Variants in NDUFS6 observed in about 807,000 individuals in gnomAD.
The protein encoded by NDUFS6 is NADH dehydrogenase [ubiquinone] iron-sulfur protein 6, mitochondrial.
A neutral mutation model predicts 13.2 loss-of-function variants in NDUFS6; 14 were observed. The ratio of observed to expected loss-of-function variants is 1.06; its 90% CI spans 0.70 to 1.66. The LOEUF (loss-of-function observed/expected upper bound fraction) is 1.66. Ranked by LOEUF, NDUFS6 falls within the 40% of genes most tolerant of loss-of-function variation. The pLI, the probability that NDUFS6 is intolerant of heterozygous loss-of-function variation, is 0.00. For missense variants in NDUFS6, 206 were observed against 170.8 expected, an observed-to-expected ratio of 1.21 and a Z score of -1.15; for synonymous variants, 95 against 72.3, an observed-to-expected ratio of 1.31 and a Z score of -1.60.
At chr5:1,801,727 G>T (rs996975222) in intron 1 of NDUFS6, among the ~76,000 whole-genome samples, 178 bp downstream of exon 1, 24 of 152,252 alleles carry the variant, frequency 1.6e-4, no homozygotes, top group Admixed American at 1.4e-3. Context: ...GGTGGTGGCA[G>T]CCTGTAGCGG....
chr5:1,814,839 C>G lies in NDUFS6; in HGVS notation c.309+378C>G. 1 of 624,768 alleles carries G rather than the reference C, an allele frequency of 1.6e-6. No homozygotes were observed. Among genetic ancestry groups the G allele is most frequent in the Non-Finnish European group, 2.9e-6 (1 of 348,910 alleles). The allele number at this position is 624,768 out of a possible 1,614,324, so 38.7% of individuals were successfully genotyped here. A position where few individuals can be genotyped will look rare whatever the true frequency, so the allele number is the denominator to read the frequency against. ...AGCGCTGGAGGCTGCAGCCCAAGAC[C>G]ACCGTGCCGCTCTGTGGGTTCCTCC... On this transcript the variant is annotated intron_variant, in intron 3 of 3. Coordinates refer to ENST00000274137, the MANE Select transcript of NDUFS6 (RefSeq NM_004553.6). The surrounding 1 kb of genome is among the most constrained non-coding windows in gnomAD (Gnocchi z 4.9).
chr5:1,808,223 T>G (rs1734158175), intron 2 of NDUFS6, among the ~76,000 whole-genome samples: 1 of 152,154 alleles, frequency 6.6e-6, no homozygotes, highest in Non-Finnish European at 1.5e-5. Flanking sequence ...CTGGGCGTCC[T>G]TTAGGGGGTG....
At chr5:1,810,862 C>T (rs1179687112) in intron 2 of NDUFS6, among the ~76,000 whole-genome samples, 2 of 152,172 alleles carry the variant, frequency 1.3e-5, no homozygotes, top group Non-Finnish European at 1.5e-5. Flanking sequence ...CATCATGTTA[C>T]TGAGTCTAAA....
chr5:1,802,216 C>T, intron 1 of NDUFS6, 105 bp from the exon 2 acceptor site: 1 of 1,137,544 alleles, frequency 8.8e-7, no homozygotes. Flanking sequence ...CATCAATGGC[C>T]TAAAAGTTAA....
chr5:1,814,776 C>T lies in NDUFS6; in HGVS notation c.309+315C>T, dbSNP rs898337769. The T allele has an allele frequency of 8.2e-5, 56 of 680,866 alleles. No homozygotes were observed. The highest frequency in any genetic ancestry group is 6.2e-4 in the Admixed American group (29 of 47,000). 42.2% of individuals were successfully genotyped at this position (680,866 alleles called of 1,614,324 possible). The stretch of plus-strand genomic sequence containing the variant: ...CAGCTCAGGCTGCCACACACAGCAC[C>T]GCAGGCTGGGGTCGAAAACAACAAA... On this transcript the variant is annotated intron_variant, in intron 3 of 3. Transcript: ENST00000274137. This position sits in a 1 kb window ranked among gnomAD's most constrained non-coding sequence, Gnocchi z 4.9.
rs1014264454 is a variant in NDUFS6 at position 1,801,484 on chromosome 5, C to A, written c.67C>A (p.Leu23Met). Reference sequence around the variant, plus strand: ...TGGCGAGGCGGCGCGGAGCCTGCCCCTGGGCGCCAGGTGTTTCGGGGTGCG... The same window carrying A: ...TGGCGAGGCGGCGCGGAGCCTGCCCATGGGCGCCAGGTGTTTCGGGGTGCG... The part of the protein sequence containing the change: ...RCGEAARSLP[L>M]GARCFGVRVS... The change falls in exon 1 of 4, where the codon CTG becomes ATG. Residue 23 changes from leucine (L) to methionine (M), a missense_variant. Leu to Met is a conservative substitution (Grantham distance 15, BLOSUM62 2). Coordinates refer to ENST00000274137, the MANE Select transcript of NDUFS6 (RefSeq NM_004553.6). The A allele has an allele frequency of 1.2e-6, 2 of 1,603,312 alleles. No individual in the cohort carries two copies. Among genetic ancestry groups the A allele is most frequent in the Admixed American group, 1.7e-5 (1 of 59,834 alleles).
chr5:1,814,547 CCTCTT>C lies in NDUFS6; in HGVS notation c.309+91_309+95del, dbSNP rs766715057. 1.1e-5 allele frequency: 18 copies of C among 1,599,610 alleles called. No individual in the cohort carries two copies. Among genetic ancestry groups the C allele is most frequent in the African/African-American group, 9.4e-5 (7 of 74,694 alleles). On this transcript the variant is annotated intron_variant, in intron 3 of 3. Coordinates refer to ENST00000274137, the MANE Select transcript of NDUFS6 (RefSeq NM_004553.6). The surrounding 1 kb of genome is among the most constrained non-coding windows in gnomAD (Gnocchi z 4.9). ...CACTCCCAGTGCCTGTTCTTTCTGT[CCTCTT>C]CTCTACCTGCTCCCGAGGCGGCCCT...
rs555409370 is a variant in NDUFS6, at chr5:1,806,447, G to T, written c.186+4073G>T. On this transcript the variant is annotated intron_variant, in intron 2 of 3. Transcript: ENST00000274137. ...GTGACCCTGTGGCCTCACCTGCCTG[G>T]CCCTCAGTTCTTCAGTAGCAGACTT... Among the ~76,000 whole-genome samples the T allele has an allele frequency of 1.3e-4, 20 of 152,352 alleles. 1 individual carries two copies. In the South Asian group the frequency reaches 4.1e-3, roughly 32 times the overall value.
intron 2 of NDUFS6, among the ~76,000 whole-genome samples, chr5:1,810,992 C>T (rs1433933392): frequency 6.6e-6 from 1 of 152,206 alleles, no homozygotes; most frequent in Non-Finnish European, 1.5e-5. Flanking sequence ...CCTTCCTCCT[C>T]CTCAGCCTGC....
intron 2 of NDUFS6, 77 bp downstream of exon 2, chr5:1,802,451 T>C (rs1478129290): frequency 8.3e-7 from 1 of 1,203,122 alleles, no homozygotes; most frequent in Non-Finnish European, 1.2e-6. Context: ...AAAATTAATA[T>C]ATAAGATTTA....
chr5:1,804,273 G>C (rs1225700143), intron 2 of NDUFS6, among the ~76,000 whole-genome samples: 2 of 152,258 alleles, frequency 1.3e-5, no homozygotes, highest in Admixed American at 6.5e-5. Flanking sequence ...GACGAAGCAA[G>C]TATGTGGGTC....
At chr5:1,812,801 C>T (rs1734239161) in intron 2 of NDUFS6, among the ~76,000 whole-genome samples, 1 of 151,808 alleles carries the variant, frequency 6.6e-6, no homozygotes, top group Non-Finnish European at 1.5e-5. Context: ...GTCTGTAATC[C>T]CAGCACTTTG....
At chr5:1,806,875 A>T (rs1358089180) in intron 2 of NDUFS6, among the ~76,000 whole-genome samples, 2 of 152,214 alleles carry the variant, frequency 1.3e-5, no homozygotes, top group Non-Finnish European at 2.9e-5. Flanking sequence ...TATTCATTAT[A>T]ACTCAAATCT....
intron 1 of NDUFS6, among the ~76,000 whole-genome samples, chr5:1,801,983 C>G (rs1007904510): frequency 6.6e-6 from 1 of 152,108 alleles, no homozygotes; most frequent in Non-Finnish European, 1.5e-5. Flanking sequence ...TGGAATGTGC[C>G]CTAGTAGATT....
intron 2 of NDUFS6, among the ~76,000 whole-genome samples, chr5:1,808,871 C>G (rs1032812472): frequency 3.9e-5 from 6 of 152,234 alleles, no homozygotes; most frequent in African/African-American, 1.4e-4. Flanking sequence ...CATTCATGTT[C>G]AGAATGCCTG....
intron 3 of NDUFS6, among the ~76,000 whole-genome samples, 164 bp from the exon 4 acceptor site, chr5:1,815,687 G>C (rs1471145132): frequency 6.6e-6 from 1 of 152,204 alleles, no homozygotes; most frequent in African/African-American, 2.4e-5. Flanking sequence ...CAGGGGCTTC[G>C]GTCAGCCTGG....
rs574959532 is a variant in NDUFS6, at chr5:1,809,906, C to G, written c.187-4433C>G. Among the ~76,000 whole-genome samples the G allele has an allele frequency of 4.6e-5, 7 of 152,380 alleles. No individual in the cohort carries two copies. In the East Asian group the frequency reaches 1.4e-3, roughly 29 times the overall value. On this transcript the variant is annotated intron_variant, in intron 2 of 3. Coordinates refer to ENST00000274137, the MANE Select transcript of NDUFS6 (RefSeq NM_004553.6). ...ACAACCTGGGCGGCGCCACACGGCT[C>G]AGGCCTCTGCTTTAATGTGGCTTCA... is the stretch of plus-strand genomic sequence containing the variant.
At chr5:1,811,802 C>T (rs560533045) in intron 2 of NDUFS6, among the ~76,000 whole-genome samples, 28 of 152,282 alleles carry the variant, frequency 1.8e-4, no homozygotes, top group African/African-American at 6.3e-4. Flanking sequence ...TGTATCCGTC[C>T]ATCAGGAGGC....
chr5:1,808,510 CA>C (rs577382296), intron 2 of NDUFS6, among the ~76,000 whole-genome samples: 39 of 152,334 alleles, frequency 2.6e-4, no homozygotes, highest in Non-Finnish European at 4.6e-4. Flanking sequence ...ACTGTGAATT[CA>C]CGAGCCCCAG....
Sources: gnomAD v4.1 joint callset for allele counts (sites outside exome capture counted in the v4.1 genomes callset) on GRCh38, gnomAD v4.1.1 for gene constraint, Gnocchi (gnomAD v3.1) non-coding constraint, MANE v1.5 for transcripts, NCBI Gene and HGNC (gene_info 2026-07-23, HGNC 2026-07-21) for gene names.